Variants in BMERB1 observed in about 807,000 individuals in gnomAD.
BMERB1 encodes bMERB domain containing 1, also known as bMERB domain-containing protein 1.
Under a neutral mutation model 23.6 loss-of-function variants are expected in BMERB1, and 12 were observed. The observed-to-expected ratio is 0.51, with a 90% CI of 0.33 to 0.82. BMERB1 has a LOEUF of 0.82. Ranked by LOEUF, BMERB1 falls within the 40% of genes least tolerant of loss-of-function variation. The pLI is 0.03. For synonymous variants in BMERB1, 122 were observed against 96.6 expected, an observed-to-expected ratio of 1.26 and a Z score of -1.54; for missense variants, 247 against 255.4, an observed-to-expected ratio of 0.97 and a Z score of 0.22.
At chr16:15,552,771 G>C (rs1323755841) in intron 2 of BMERB1, among the ~76,000 whole-genome samples, 2 of 152,230 alleles carry the variant, frequency 1.3e-5, no homozygotes, top group African/African-American at 4.8e-5. Context: ...ACACGTAGTA[G>C]GCGCTCAAGA....
intron 1 of BMERB1, among the ~76,000 whole-genome samples, chr16:15,451,623 A>G (rs767263578): frequency 5.5e-5 from 8 of 145,742 alleles, no homozygotes; most frequent in Non-Finnish European, 8.9e-5. Context: ...CAGTGGTGCA[A>G]TCATGGCTCA....
intron 4 of BMERB1, among the ~76,000 whole-genome samples, chr16:15,582,948 G>T (rs912551646): frequency 6.6e-6 from 1 of 152,150 alleles, no homozygotes; most frequent in African/African-American, 2.4e-5. Context: ...CTCTGGGTAA[G>T]CATTTACCCC....
At chr16:15,516,690 A>G (rs1598487798) in intron 2 of BMERB1, among the ~76,000 whole-genome samples, 1 of 148,206 alleles carries the variant, frequency 6.7e-6, no homozygotes, top group African/African-American at 2.5e-5. Context: ...TTTTCACAAC[A>G]CCAAGAGGCT....
chr16:15,517,577 C>T (rs1007577469), intron 2 of BMERB1, among the ~76,000 whole-genome samples: 3 of 151,412 alleles, frequency 2.0e-5, no homozygotes, highest in African/African-American at 7.3e-5. Context: ...AGATCAAGAT[C>T]CCTTTGTTTA....
At chr16:15,484,896 C>T (rs552406700) in intron 1 of BMERB1, among the ~76,000 whole-genome samples, 18 of 152,338 alleles carry the variant, frequency 1.2e-4, no homozygotes, top group African/African-American at 4.1e-4. Flanking sequence ...CACTGTACTT[C>T]AAGGTTTCCC....
At chr16:15,464,692 T>A (rs1047419679) in intron 1 of BMERB1, among the ~76,000 whole-genome samples, 3 of 152,208 alleles carry the variant, frequency 2.0e-5, no homozygotes, top group South Asian at 4.1e-4. Flanking sequence ...TAAACTGTCA[T>A]AGTGCTGGTG....
chr16:15,556,649 A>G (rs928842410), intron 2 of BMERB1, among the ~76,000 whole-genome samples: 1 of 152,082 alleles, frequency 6.6e-6, no homozygotes, highest in Non-Finnish European at 1.5e-5. Context: ...GCAGTGGTGC[A>G]ATCTCGGCTC....
chr16:15,571,951 A>T lies in BMERB1; in HGVS notation c.304+3895A>T, dbSNP rs190100401. On this transcript the variant is annotated intron_variant, in intron 3 of 5. Coordinates refer to ENST00000300006, the MANE Select transcript of BMERB1 (RefSeq NM_033201.3). ...TTCCCCTTTAAATATTGAAGTCCTTAAGATCCTCTGCAGAAAAAAGCACAG... is the reference window on the plus strand; with the variant it reads ...TTCCCCTTTAAATATTGAAGTCCTTTAGATCCTCTGCAGAAAAAAGCACAG... Among the ~76,000 whole-genome samples the T allele has an allele frequency of 5.3e-5, 8 of 152,232 alleles. No individual in the cohort carries two copies. The East Asian group carries it at 1.5e-3, about 29-fold the overall frequency.
chr16:15,435,292 G>T (rs765016160), intron 1 of BMERB1, among the ~76,000 whole-genome samples: 3 of 152,178 alleles, frequency 2.0e-5, no homozygotes, highest in Admixed American at 6.5e-5. Context: ...GGCTTGGGGC[G>T]GCAAAAGGGT....
Position 15,434,650 on chromosome 16 carries a change from A to G in BMERB1, c.-4A>G, listed in dbSNP as rs2050870956. 3 of 1,613,532 alleles carry G rather than the reference A, an allele frequency of 1.9e-6. No individual in the cohort carries two copies. Among genetic ancestry groups the G allele is most frequent in the East Asian group, 2.2e-5 (1 of 44,880 alleles). On this transcript the variant is annotated 5_prime_UTR_variant, in exon 1 of 6. Coordinates refer to ENST00000300006, the MANE Select transcript of BMERB1 (RefSeq NM_033201.3). ...ACCCGTCGACCTGGCCACGGGGATC[A>G]GCGATGGAATTAAAGCAATCTTTGT...
At chr16:15,584,311 G>A (rs1055697766) in intron 5 of BMERB1, 20 of 352,770 alleles carry the variant, frequency 5.7e-5, no homozygotes, top group African/African-American at 4.1e-4. Flanking sequence ...TGTAATGCCA[G>A]CACTTTGGGA....
intron 1 of BMERB1, among the ~76,000 whole-genome samples, chr16:15,445,444 A>G (rs1173429747): frequency 6.6e-6 from 1 of 152,160 alleles, no homozygotes; most frequent in East Asian, 1.9e-4. Flanking sequence ...CAGGGTAGCT[A>G]ATGGAGCAAA....
At chr16:15,480,194 G>A (rs968534530) in intron 1 of BMERB1, among the ~76,000 whole-genome samples, 2 of 148,844 alleles carry the variant, frequency 1.3e-5, no homozygotes, top group South Asian at 2.1e-4. Context: ...CTCACTGCAA[G>A]CTCCACCTCC....
intron 3 of BMERB1, among the ~76,000 whole-genome samples, chr16:15,570,906 C>G (rs1192421489): frequency 6.6e-6 from 1 of 151,882 alleles, no homozygotes; most frequent in South Asian, 2.1e-4. Flanking sequence ...GATGGGAGTA[C>G]CTCTTAGCAT....
chr16:15,470,653 G>A (rs964787208), intron 1 of BMERB1, among the ~76,000 whole-genome samples: 2 of 151,512 alleles, frequency 1.3e-5, no homozygotes, highest in Admixed American at 1.3e-4. Flanking sequence ...AGACTCCCAG[G>A]TAGCTGGGAT....
rs138969682 is a variant in BMERB1 at position 15,567,915 on chromosome 16, C to T, written c.231-68C>T. 32 of 1,406,082 alleles carry T rather than the reference C, an allele frequency of 2.3e-5. No homozygotes were observed. In the African/African-American group the frequency reaches 4.5e-4, roughly 20 times the overall value. 87.1% of individuals were successfully genotyped at this position (1,406,082 alleles called of 1,614,324 possible). A position where few individuals can be genotyped will look rare whatever the true frequency, so the allele number is the denominator to read the frequency against. On this transcript the variant is annotated intron_variant, in intron 2 of 5. Coordinates refer to ENST00000300006, the MANE Select transcript of BMERB1 (RefSeq NM_033201.3). ...ACCTTTAATAGCTTCTTTGTGTTAA[C>T]CGGGTGATGCTCAGGGCGTAATGCT...
intron 2 of BMERB1, among the ~76,000 whole-genome samples, chr16:15,564,772 T>C (rs563524017): frequency 6.6e-6 from 1 of 152,336 alleles, no homozygotes; most frequent in African/African-American, 2.4e-5. Context: ...ACTTGGCTCA[T>C]AGAAACCTAA....
intron 2 of BMERB1, among the ~76,000 whole-genome samples, chr16:15,552,077 C>T (rs948859736): frequency 3.3e-5 from 5 of 152,068 alleles, no homozygotes; most frequent in East Asian, 3.9e-4. Context: ...CTTCACAGCT[C>T]GCTGGGCCCT....
At chr16:15,500,863 G>A (rs1341143539) in intron 1 of BMERB1, among the ~76,000 whole-genome samples, 3 of 152,144 alleles carry the variant, frequency 2.0e-5, no homozygotes, top group African/African-American at 7.2e-5. Flanking sequence ...TGTTGTCCAG[G>A]CTGGTGTCGA....
Sources: gnomAD v4.1 joint callset for allele counts (sites outside exome capture counted in the v4.1 genomes callset) on GRCh38, gnomAD v4.1.1 for gene constraint, MANE v1.5 for transcripts, NCBI Gene and HGNC (gene_info 2026-07-23, HGNC 2026-07-21) for gene names.